The following UMAD1 variants were observed in gnomAD, a reference collection of about 807,000 sequenced individuals.
UMAD1 encodes UBAP1-MVB12-associated (UMA) domain containing 1.
In UMAD1, 8 loss-of-function variants were observed where a neutral mutation model predicts 6.1. That is an observed-to-expected ratio of 1.30 (90% CI 0.76 to 2.35). The LOEUF (loss-of-function observed/expected upper bound fraction) is 2.35, where lower values mean the gene tolerates loss of function less well. Ranked by LOEUF, UMAD1 falls within the 30% of genes most tolerant of loss-of-function variation. The pLI, the probability that UMAD1 is intolerant of heterozygous loss-of-function variation, is 0.00. For synonymous variants in UMAD1, 56 were observed against 31.4 expected (o/e 1.78, Z -2.61); for missense variants, 130 against 78.4 (o/e 1.66, Z -2.49).
chr7:7,792,461 A>G (rs1004396475), intron 2 of UMAD1, among the ~76,000 whole-genome samples: 1 of 152,230 alleles, frequency 6.6e-6, no homozygotes, highest in Non-Finnish European at 1.5e-5. Flanking sequence ...ACTAAACTGA[A>G]TTGGAAGAGA....
chr7:7,796,639 C>T (rs1782689334), intron 2 of UMAD1, among the ~76,000 whole-genome samples: 1 of 152,146 alleles, frequency 6.6e-6, no homozygotes, highest in Non-Finnish European at 1.5e-5. Context: ...TTCTGGTTTT[C>T]GTTCAAGATA....
rs112319349 is a variant in UMAD1, at chr7:7,872,021, A to C, written c.157-5260A>C. Among the ~76,000 whole-genome samples, 1,351 of 151,822 alleles carry C rather than the reference A, an allele frequency of 8.9e-3. 23 individuals carry two copies. Among genetic ancestry groups the C allele is most frequent in the African/African-American group, 0.031 (1,294 of 41,328 alleles). On this transcript the variant is annotated intron_variant, in intron 3 of 3. Coordinates refer to ENST00000682710, the MANE Select transcript of UMAD1 (RefSeq NM_001302348.2). ...ATCTCCCCTCCGCAGTTCCATGCAG[A>C]CCTCCGAAAGAGGAGGGGGCCTTCA...
At chr7:7,765,783 G>T (rs1324116160) in intron 2 of UMAD1, among the ~76,000 whole-genome samples, 1 of 152,170 alleles carries the variant, frequency 6.6e-6, no homozygotes, top group African/African-American at 2.4e-5. Flanking sequence ...TGCTAAGCAA[G>T]AGGGGAAACT....
At chr7:7,650,715 C>T (rs1324965229) in intron 1 of UMAD1, among the ~76,000 whole-genome samples, 1 of 152,200 alleles carries the variant, frequency 6.6e-6, no homozygotes, top group Non-Finnish European at 1.5e-5. Context: ...ATTTACTAAT[C>T]CAGCCATTCT....
intron 1 of UMAD1, among the ~76,000 whole-genome samples, chr7:7,646,728 T>C (rs913478700): frequency 5.3e-5 from 8 of 151,928 alleles, no homozygotes; most frequent in African/African-American, 1.9e-4. Flanking sequence ...AGTTCGGCTG[T>C]CCCATGGCCA....
intron 2 of UMAD1, among the ~76,000 whole-genome samples, chr7:7,674,157 T>A (rs1318345205): frequency 6.6e-6 from 1 of 152,206 alleles, no homozygotes; most frequent in African/African-American, 2.4e-5. Context: ...CTCATCCTTT[T>A]CCATGCTGGA....
At chr7:7,865,882 A>C (rs953029914) in intron 3 of UMAD1, among the ~76,000 whole-genome samples, 10 of 152,154 alleles carry the variant, frequency 6.6e-5, no homozygotes, top group Non-Finnish European at 7.4e-5. Context: ...TGTAGGAAAA[A>C]TCTTTCCCCA....
At chr7:7,742,473 T>C (rs1781491543) in intron 2 of UMAD1, 7 of 533,480 alleles carry the variant, frequency 1.3e-5, no homozygotes. Flanking sequence ...TGTGGACACC[T>C]TTCAACACTG....
intron 2 of UMAD1, among the ~76,000 whole-genome samples, chr7:7,760,791 C>G (rs1781873127): frequency 6.6e-6 from 1 of 152,120 alleles, no homozygotes; most frequent in African/African-American, 2.4e-5. Flanking sequence ...TAAGGACATG[C>G]TATGAAGGGC....
chr7:7,763,199 T>G (rs2115234028), intron 2 of UMAD1, among the ~76,000 whole-genome samples: 1 of 152,378 alleles, frequency 6.6e-6, no homozygotes, highest in South Asian at 2.1e-4. Flanking sequence ...TTAATTGAAG[T>G]GCTTTTTATT....
chr7:7,707,574 T>C (rs1360559131), intron 2 of UMAD1, among the ~76,000 whole-genome samples: 1 of 152,188 alleles, frequency 6.6e-6, no homozygotes, highest in Non-Finnish European at 1.5e-5. Flanking sequence ...TCACTACTTA[T>C]TAAGTAGAAT....
chr7:7,796,439 C>T (rs113794321), intron 2 of UMAD1, among the ~76,000 whole-genome samples: 15,836 of 151,558 alleles, frequency 0.1, 991 homozygotes, highest in East Asian at 0.17. Flanking sequence ...TTATTAGAGA[C>T]GGAGTTTCTC....
intron 3 of UMAD1, among the ~76,000 whole-genome samples, chr7:7,844,944 G>A (rs1429185119): frequency 6.6e-6 from 1 of 152,078 alleles, no homozygotes; most frequent in Non-Finnish European, 1.5e-5. Flanking sequence ...GATAATTTCT[G>A]TTTAGTACAA....
chr7:7,663,040 A>G (rs753650611), intron 1 of UMAD1, among the ~76,000 whole-genome samples: 55 of 152,274 alleles, frequency 3.6e-4, no homozygotes, highest in Middle Eastern at 6.8e-3. Context: ...CCCAAACTAG[A>G]AAATAGATTT....
chr7:7,794,122 TAC>T (rs1464049348), intron 2 of UMAD1, among the ~76,000 whole-genome samples: 1 of 152,162 alleles, frequency 6.6e-6, no homozygotes, highest in Non-Finnish European at 1.5e-5. Flanking sequence ...CATTCTCAGA[TAC>T]AGAGTTCTAG....
chr7:7,708,442 A>G (rs1334486290), intron 2 of UMAD1, among the ~76,000 whole-genome samples: 3 of 152,290 alleles, frequency 2.0e-5, no homozygotes, highest in Admixed American at 1.3e-4. Flanking sequence ...CCCTTATTCA[A>G]TCACCCATGT....
chr7:7,746,789 C>T (rs1469386265), intron 2 of UMAD1, among the ~76,000 whole-genome samples: 1 of 152,162 alleles, frequency 6.6e-6, no homozygotes, highest in East Asian at 1.9e-4. Context: ...AAAAAGGCCA[C>T]CTTATTTAAA....
At chr7:7,752,238 A>G (rs1226728180) in intron 2 of UMAD1, among the ~76,000 whole-genome samples, 1 of 152,228 alleles carries the variant, frequency 6.6e-6, no homozygotes, top group Non-Finnish European at 1.5e-5. Flanking sequence ...TAATGCATTG[A>G]AAAGAAAAGT....
chr7:7,663,324 A>C (rs1785523363), intron 1 of UMAD1, among the ~76,000 whole-genome samples: 2 of 148,520 alleles, frequency 1.3e-5, no homozygotes, highest in South Asian at 4.3e-4. Context: ...GTCTGAGCAT[A>C]AATAAGAGAG....
Sources: allele counts gnomAD v4.1 joint callset (sites outside exome capture counted in the v4.1 genomes callset), GRCh38; gene constraint gnomAD v4.1.1; transcripts MANE v1.5; gene names NCBI Gene and HGNC (gene_info 2026-07-23, HGNC 2026-07-21).